Variants in DOK5 observed in about 807,000 individuals in gnomAD.
DOK5 encodes docking protein 5.
A neutral mutation model predicts 43.3 loss-of-function variants in DOK5; 27 were observed. That is an observed-to-expected ratio of 0.62 (90% CI 0.46 to 0.86). DOK5 has a LOEUF of 0.86. Ranked by LOEUF, DOK5 falls within the 40% of genes least tolerant of loss-of-function variation. The probability of loss-of-function intolerance (pLI) is 0.00; values close to 1 mark genes in which losing one functional copy is unlikely to be tolerated. For synonymous variants in DOK5, 146 were observed against 140.1 expected, an observed-to-expected ratio of 1.04 and a Z score of -0.30; for missense variants, 373 against 392.9, an observed-to-expected ratio of 0.95 and a Z score of 0.43.
chr20:54,558,881 A>C (rs561830442), intron 2 of DOK5, among the ~76,000 whole-genome samples: 4 of 152,260 alleles, frequency 2.6e-5, no homozygotes, highest in Admixed American at 6.5e-5. Context: ...GTAGAATTTT[A>C]AAATTTGGTA....
intron 5 of DOK5, among the ~76,000 whole-genome samples, chr20:54,603,817 G>C (rs1192186889): frequency 6.6e-6 from 1 of 151,990 alleles, no homozygotes; most frequent in Admixed American, 6.5e-5. Context: ...GAACCTACGT[G>C]GCTAAGCCTC....
chr20:54,616,770 C>CTTTTTTTTTTTTT (rs768379251), intron 6 of DOK5, among the ~76,000 whole-genome samples: 1 of 120,682 alleles, frequency 8.3e-6, no homozygotes, highest in Non-Finnish European at 1.7e-5. Context: ...GATCCACTTT[C>CTTTTTTTTTTTTT]TTTTTTTTTT....
At chr20:54,599,834 G>C (rs1158946490) in intron 5 of DOK5, among the ~76,000 whole-genome samples, 1 of 152,152 alleles carries the variant, frequency 6.6e-6, no homozygotes, top group African/African-American at 2.4e-5. Flanking sequence ...GCACCCTAAT[G>C]CCTGGTGTGG....
At chr20:54,520,539 G>GCC (rs1186178345) in intron 1 of DOK5, among the ~76,000 whole-genome samples, 1 of 152,110 alleles carries the variant, frequency 6.6e-6, no homozygotes, top group African/African-American at 2.4e-5. Flanking sequence ...AGCACTTTGG[G>GCC]AGGTGAAGGC....
rs1420337929 is a variant in DOK5, at chr20:54,555,041, G to T, written c.174+1G>T. 1.2e-6 allele frequency: 2 copies of T among 1,601,022 alleles called. No individual in the cohort carries two copies. Among genetic ancestry groups the T allele is most frequent in the South Asian group, 2.2e-5 (2 of 90,826 alleles). On this transcript the variant is annotated splice_donor_variant, in intron 2 of 7. Transcript: ENST00000262593. LOFTEE classifies it high-confidence loss of function. ...TGCATATTTCAGGTGTTATCATAAG[G>T]TAAGACTCAATTGCTGTAGCTTTCC...
chr20:54,565,158 G>A (rs1985051402), intron 2 of DOK5, among the ~76,000 whole-genome samples: 1 of 152,116 alleles, frequency 6.6e-6, no homozygotes, highest in Admixed American at 6.5e-5. Flanking sequence ...CCCAGTGGAT[G>A]GCTGCAACTG....
At chr20:54,601,119 T>C (rs1293476414) in intron 5 of DOK5, among the ~76,000 whole-genome samples, 1 of 152,154 alleles carries the variant, frequency 6.6e-6, no homozygotes, top group East Asian at 1.9e-4. Flanking sequence ...TTAGGGACCC[T>C]CCAGGAGCAG....
intron 1 of DOK5, among the ~76,000 whole-genome samples, chr20:54,492,781 C>T (rs1320452466): frequency 3.3e-5 from 5 of 151,564 alleles, no homozygotes; most frequent in South Asian, 4.2e-4. Flanking sequence ...TGGCCAGGTG[C>T]GGTGGCTCAC....
At position 54,650,416 on chromosome 20, in the gene DOK5, T is replaced by C. The variant is rs765750227; in HGVS notation, c.858T>C (p.Asp286=). ...HSTGQLYRLQ[D]VSSPLKLHRT... ...GATTTTAAATTCTTTTTGGAAAAGATGTTTCCAGCCCTCTGAAGCTTCATC... is the reference window on the plus strand; with the variant it reads ...GATTTTAAATTCTTTTTGGAAAAGACGTTTCCAGCCCTCTGAAGCTTCATC... The change falls in exon 8 of 8, where the codon GAT becomes GAC. Residue 286 remains aspartate, a splice_region_variant and synonymous_variant. Coordinates refer to ENST00000262593, the MANE Select transcript of DOK5 (RefSeq NM_018431.5). The C allele has an allele frequency of 3.7e-6, 6 of 1,613,806 alleles. No homozygotes were observed. The South Asian group carries it at 5.5e-5, about 15-fold the overall frequency.
At chr20:54,616,085 A>T (rs1986798874) in intron 6 of DOK5, among the ~76,000 whole-genome samples, 1 of 152,162 alleles carries the variant, frequency 6.6e-6, no homozygotes, top group Non-Finnish European at 1.5e-5. Flanking sequence ...GCCATAGAAA[A>T]CTAATATAAT....
intron 1 of DOK5, among the ~76,000 whole-genome samples, chr20:54,498,809 G>A (rs1343379774): frequency 6.6e-6 from 1 of 152,000 alleles, no homozygotes; most frequent in Non-Finnish European, 1.5e-5. Flanking sequence ...TCACTCTTTA[G>A]CCAAAAAAGA....
At chr20:54,643,634 A>G in intron 7 of DOK5, 56 bp downstream of exon 7, 1 of 1,567,084 alleles carries the variant, frequency 6.4e-7, no homozygotes, top group African/African-American at 1.3e-5. Context: ...AGTACTGGGG[A>G]GGGGGCTCAG....
rs1041906169 is a variant in DOK5 at position 54,646,501 on chromosome 20, C to T, written c.856+2923C>T. On this transcript the variant is annotated intron_variant, in intron 7 of 7. Transcript: ENST00000262593. ...CTTCTGAGCTCAAGTAGTCCTCCTG[C>T]CTCGGCCTCCCAAAGTGCTGGAATT... Among the ~76,000 whole-genome samples the T allele has an allele frequency of 2.3e-4, 35 of 152,094 alleles. 1 individual carries two copies. Among genetic ancestry groups the T allele is most frequent in the African/African-American group, 8.2e-4 (34 of 41,416 alleles).
At chr20:54,595,934 G>C (rs6023392) in intron 5 of DOK5, among the ~76,000 whole-genome samples, 1 of 152,154 alleles carries the variant, frequency 6.6e-6, no homozygotes, top group African/African-American at 2.4e-5. Context: ...CTTTCTTGCA[G>C]GTTTGTTGTA....
At position 54,475,731 on chromosome 20, in the gene DOK5, C is replaced by T; in HGVS notation, c.-216C>T. 1 of 630,624 alleles carries T rather than the reference C, an allele frequency of 1.6e-6. No homozygotes were observed. Among genetic ancestry groups the T allele is most frequent in the Non-Finnish European group, 2.7e-6 (1 of 371,188 alleles). 39.1% of individuals were successfully genotyped at this position (630,624 alleles called of 1,614,324 possible). A position where few individuals can be genotyped will look rare whatever the true frequency, so the allele number is the denominator to read the frequency against. ...GCCTCCCCGCGCCGCGCTCTGCGCTCCCCGAAAGTGGCTGCAAGCCGGCCG... is the reference window on the plus strand; with the variant it reads ...GCCTCCCCGCGCCGCGCTCTGCGCTTCCCGAAAGTGGCTGCAAGCCGGCCG... On this transcript the variant is annotated 5_prime_UTR_variant, in exon 1 of 8. Coordinates refer to ENST00000262593, the MANE Select transcript of DOK5 (RefSeq NM_018431.5). The surrounding 1 kb of genome is among the most constrained non-coding windows in gnomAD (Gnocchi z 4.2).
At chr20:54,500,718 T>C (rs747681439) in intron 1 of DOK5, among the ~76,000 whole-genome samples, 1 of 151,938 alleles carries the variant, frequency 6.6e-6, no homozygotes, top group Non-Finnish European at 1.5e-5. Flanking sequence ...TGTGCCACCA[T>C]GCCCGGCTAA....
In DOK5 at chr20:54,650,684, G is replaced by T; in HGVS notation, c.*205G>T. ...TTTAAATTCTTAGTGTAATTGAAAC[G>T]TGCTCTATAGATATTGACTCTGTGT... On this transcript the variant is annotated 3_prime_UTR_variant, in exon 8 of 8. Coordinates refer to ENST00000262593, the MANE Select transcript of DOK5 (RefSeq NM_018431.5). The T allele has an allele frequency of 2.0e-6, 1 of 489,972 alleles. No individual in the cohort carries two copies. The highest frequency in any genetic ancestry group is 3.6e-6 in the Non-Finnish European group (1 of 278,434). The allele number at this position is 489,972 out of a possible 1,614,324, so 30.4% of individuals were successfully genotyped here.
chr20:54,551,134 C>T (rs967805393), intron 1 of DOK5, among the ~76,000 whole-genome samples: 1 of 152,118 alleles, frequency 6.6e-6, no homozygotes, highest in African/African-American at 2.4e-5. Flanking sequence ...TTTAATTTGC[C>T]CTTCCCTCAG....
intron 7 of DOK5, among the ~76,000 whole-genome samples, chr20:54,648,974 A>G (rs1232444733): frequency 6.6e-6 from 1 of 152,202 alleles, no homozygotes; most frequent in Non-Finnish European, 1.5e-5. Context: ...ATTGCCTTGG[A>G]AGATAGCATC....
Sources: allele counts gnomAD v4.1 joint callset (sites outside exome capture counted in the v4.1 genomes callset), GRCh38; gene constraint gnomAD v4.1.1; non-coding constraint Gnocchi (gnomAD v3.1); transcripts MANE v1.5; gene names NCBI Gene and HGNC (gene_info 2026-07-23, HGNC 2026-07-21).